IKZF4: variants seen among roughly 807,000 people sequenced by gnomAD.
IKZF4 encodes the protein zinc finger protein Eos.
Under a neutral mutation model 47.7 loss-of-function variants are expected in IKZF4, and 11 were observed. That is an observed-to-expected ratio of 0.23 (90% CI 0.15 to 0.38). The LOEUF (loss-of-function observed/expected upper bound fraction) is 0.38, where lower values mean the gene tolerates loss of function less well. IKZF4 is among the 10% of genes least tolerant of loss of function. The probability of loss-of-function intolerance (pLI) is 1.00; values close to 1 mark genes in which losing one functional copy is unlikely to be tolerated. For synonymous variants in IKZF4, 298 were observed against 299.4 expected (o/e 1.00, Z 0.05); for missense variants, 557 against 784.9 (o/e 0.71, Z 3.47).
chr12:56,021,168 A>C lies in IKZF4; in HGVS notation c.-326A>C. The stretch of plus-strand genomic sequence containing the variant: ...CCACCCACCCCCTTCACTGTCTTGG[A>C]AAAGGGATGCTGTAGCCTAGCATCT... On this transcript the variant is annotated 5_prime_UTR_variant, in exon 1 of 8. Coordinates refer to ENST00000547167, the MANE Select transcript of IKZF4 (RefSeq NM_022465.4). 4.2e-6 allele frequency: 5 copies of C among 1,196,016 alleles called. No individual in the cohort carries two copies. The highest frequency in any genetic ancestry group is 2.1e-6 in the Non-Finnish European group (2 of 955,064). 74.1% of individuals were successfully genotyped at this position (1,196,016 alleles called of 1,614,324 possible). A position where few individuals can be genotyped will look rare whatever the true frequency, so the allele number is the denominator to read the frequency against.
chr12:56,035,023 A>C lies in IKZF4; in HGVS notation c.1450A>C (p.Thr484Pro). 6.4e-7 allele frequency: 1 copy of C among 1,556,744 alleles called. No individual in the cohort carries two copies. Among genetic ancestry groups the C allele is most frequent in the Non-Finnish European group, 8.7e-7 (1 of 1,149,946 alleles). Reference sequence around the variant, plus strand: ...GGGTCCCCCACCCCAGCCACCTCCCACCATTGTGGTGGGCCGGCACAGTCC... The same window carrying C: ...GGGTCCCCCACCCCAGCCACCTCCCCCCATTGTGGTGGGCCGGCACAGTCC... ...PQGPPPQPPP[T>P]IVVGRHSPAY... is the part of the protein sequence containing the mutation. Residue 484 changes from threonine to proline, a missense_variant, in exon 8 of 8, where the codon ACC becomes CCC. By Grantham distance (38) the Thr-to-Pro change is conservative. This residue lies in a region of IKZF4 where 280 missense variants were observed against 314.0 expected (regional missense o/e 0.89). Transcript: ENST00000547167. The surrounding 1 kb of genome is among the most constrained non-coding windows in gnomAD (Gnocchi z 6.1).
At chr12:56,026,415 C>T (rs1425464093) in intron 3 of IKZF4, among the ~76,000 whole-genome samples, 1 of 151,302 alleles carries the variant, frequency 6.6e-6, no homozygotes. Context: ...CTGGGCCAGG[C>T]GCAGTGGCTC....
intron 4 of IKZF4, 111 bp from the exon 5 acceptor site, chr12:56,027,669 A>G (rs1041816678): frequency 5.0e-5 from 52 of 1,047,728 alleles, no homozygotes; most frequent in African/African-American, 3.6e-4. Flanking sequence ...CCCGTCAGCA[A>G]TGTGTTCAGA....
rs1894115988 is a variant in IKZF4 at position 56,026,919 on chromosome 12, G to A, written c.425G>A (p.Ser142Asn). 3 of 1,613,190 alleles carry A rather than the reference G, an allele frequency of 1.9e-6. No homozygotes were observed. The highest frequency in any genetic ancestry group is 2.5e-6 in the Non-Finnish European group (3 of 1,179,538). ...GAGCCCCTGGGCTACTGTGATGGGA[G>A]TGGGCCAGAGCCTCACTCCCCTGGG... ...LSEPLGYCDG[S>N]GPEPHSPGGI... is the part of the protein sequence containing the mutation. The change falls in exon 4 of 8, where the codon AGT becomes AAT. Residue 142 changes from serine (S) to asparagine (N), a missense_variant. Transcript: ENST00000547167.
chr12:56,017,552 G>A (rs919523224), upstream of IKZF4, among the ~76,000 whole-genome samples: 1 of 151,938 alleles, frequency 6.6e-6, no homozygotes, highest in Non-Finnish European at 1.5e-5. Flanking sequence ...CTACATACAC[G>A]GTCTAATCTC....
chr12:56,021,108 C>T lies in IKZF4; in HGVS notation c.-386C>T, dbSNP rs2136617525. 7.3e-7 allele frequency: 1 copy of T among 1,369,992 alleles called. No individual in the cohort carries two copies. The highest frequency in any genetic ancestry group is 9.4e-7 in the Non-Finnish European group (1 of 1,062,598). The allele number at this position is 1,369,992 out of a possible 1,614,324, so 84.9% of individuals were successfully genotyped here. The stretch of plus-strand genomic sequence containing the variant: ...TTTGTCTGCTGGGCACGAGGGGCAA[C>T]AGCATCTGCCTTTCCCTCCCTGTGC... On this transcript the variant is annotated 5_prime_UTR_variant, in exon 1 of 8. Coordinates refer to ENST00000547167, the MANE Select transcript of IKZF4 (RefSeq NM_022465.4).
At chr12:56,031,034 A>G (rs529335332) in intron 5 of IKZF4, among the ~76,000 whole-genome samples, 1 of 151,954 alleles carries the variant, frequency 6.6e-6, no homozygotes, top group Non-Finnish European at 1.5e-5. Flanking sequence ...CAGACAGATC[A>G]TGAGGTCAGG....
chr12:56,012,241 C>T (rs1891410219), intron 2 of IKZF4, among the ~76,000 whole-genome samples: 1 of 152,050 alleles, frequency 6.6e-6, no homozygotes, highest in Non-Finnish European at 1.5e-5. Context: ...ACCTTTTACC[C>T]CCTAGGCCAC....
At chr12:56,033,536 T>G (rs1895203845) in intron 7 of IKZF4, among the ~76,000 whole-genome samples, 1 of 151,916 alleles carries the variant, frequency 6.6e-6, no homozygotes, top group African/African-American at 2.4e-5. Flanking sequence ...TGAAACCCCC[T>G]CTCTACTAAA....
At chr12:56,012,454 C>A (rs772924) in intron 2 of IKZF4, among the ~76,000 whole-genome samples, 141,591 of 152,060 alleles carry the variant, frequency 0.93, 66,720 homozygotes, top group East Asian at 1. Context: ...TTGTATTCTT[C>A]GTAGAGATGG....
chr12:56,018,119 T>C, upstream of IKZF4: 1 of 1,288,720 alleles, frequency 7.8e-7, no homozygotes, highest in Non-Finnish European at 1.0e-6. Flanking sequence ...ATTTTCTTTT[T>C]CAGCAGAATC....
intron 7 of IKZF4, among the ~76,000 whole-genome samples, chr12:56,034,061 G>T (rs113741283): frequency 1.3e-5 from 2 of 151,916 alleles, no homozygotes; most frequent in Non-Finnish European, 2.9e-5. Flanking sequence ...CACCATGCCC[G>T]GCTAATTTTT....
chr12:56,011,366 G>C (rs988326731), intron 1 of IKZF4: 1 of 152,146 alleles, frequency 6.6e-6, no homozygotes, highest in Non-Finnish European at 1.5e-5. Flanking sequence ...GGGAGGGATA[G>C]GATCGTTTCT....
In IKZF4 at chr12:56,023,814, T is replaced by A. The variant is rs376086757; in HGVS notation, c.181+50T>A. 10 of 1,591,972 alleles carry A rather than the reference T, an allele frequency of 6.3e-6. No homozygotes were observed. In the East Asian group the frequency reaches 6.8e-5, roughly 11 times the overall value. ...TTGGGTAAAGTACTAATAGGTGGAC[T>A]TCAGGGATGAATTTTAGGCTTCCTC... On this transcript the variant is annotated intron_variant, in intron 2 of 7. Transcript: ENST00000547167.
upstream of IKZF4, chr12:56,020,986 C>T: frequency 1.9e-6 from 2 of 1,036,466 alleles, no homozygotes; most frequent in South Asian, 7.5e-5. Flanking sequence ...TCCCTAGGGC[C>T]CCCCCTTTCT....
chr12:56,021,844 T>G (rs1223807718), intron 1 of IKZF4: 2 of 557,174 alleles, frequency 3.6e-6, no homozygotes, highest in Non-Finnish European at 6.4e-6. Flanking sequence ...ACATCTTGAT[T>G]AGGCCTTGGG....
At chr12:56,018,260 G>A, upstream of IKZF4, 1 of 1,018,536 alleles carries the variant, frequency 9.8e-7, no homozygotes, top group African/African-American at 1.7e-5. Context: ...TTCAGCCTAG[G>A]CACACAGCCT....
chr12:56,033,453 A>T, intron 7 of IKZF4, 132 bp downstream of exon 7: 1 of 1,140,612 alleles, frequency 8.8e-7, no homozygotes, highest in Non-Finnish European at 1.3e-6. Context: ...CACGTCTGTA[A>T]TCCCAGCACT....
rs907160501 is a variant in IKZF4, at chr12:56,038,398, G to C, written c.*3067G>C. ...CTGTAAGTTTTGTACTGTACTGGCT[G>C]AAAGTCTGTTATAAATAAACATGAG... On this transcript the variant is annotated 3_prime_UTR_variant, in exon 8 of 8. Coordinates refer to ENST00000547167, the MANE Select transcript of IKZF4 (RefSeq NM_022465.4). The C allele has an allele frequency of 2.0e-5, 3 of 152,622 alleles. No individual in the cohort carries two copies. The highest frequency in any genetic ancestry group is 4.4e-5 in the Non-Finnish European group (3 of 68,044). 9.5% of individuals were successfully genotyped at this position (152,622 alleles called of 1,614,324 possible).
Sources: gnomAD v4.1 joint callset for allele counts (sites outside exome capture counted in the v4.1 genomes callset) on GRCh38, gnomAD v4.1.1 for gene constraint, gnomAD v4.1.1 regional missense constraint, Gnocchi (gnomAD v3.1) non-coding constraint, MANE v1.5 for transcripts, NCBI Gene and HGNC (gene_info 2026-07-23, HGNC 2026-07-21) for gene names.